The following DMD variants were observed in gnomAD, a reference collection of about 807,000 sequenced individuals.
DMD encodes dystrophin.
A neutral mutation model predicts 330.1 loss-of-function variants in DMD; 63 were observed. The observed-to-expected ratio is 0.19, with a 90% CI of 0.16 to 0.24. The LOEUF (loss-of-function observed/expected upper bound fraction) is 0.24. DMD is among the 10% of genes least tolerant of loss of function. The probability of loss-of-function intolerance (pLI) is 1.00; values close to 1 mark genes in which losing one functional copy is unlikely to be tolerated. For missense variants in DMD, 3,344 were observed against 2,684.1 expected (o/e 1.25, Z -5.43); for synonymous variants, 1,223 against 959.8 (o/e 1.27, Z -5.07).
At chrX:31,716,194 G>C (rs887623545) in intron 52 of DMD, among the ~76,000 whole-genome samples, 8 of 111,968 alleles carry the variant, frequency 7.1e-5, no homozygotes, top group Non-Finnish European at 1.1e-4. Flanking sequence ...TCCCATCTCC[G>C]TATCTCTAGC....
intron 51 of DMD, among the ~76,000 whole-genome samples, chrX:31,745,421 A>G (rs1420268588): frequency 8.9e-6 from 1 of 111,831 alleles, no homozygotes; most frequent in African/African-American, 3.3e-5. Context: ...GAATGCCACA[A>G]TAAAAGTGGC....
intron 30 of DMD, among the ~76,000 whole-genome samples, chrX:32,401,505 T>TA (rs1459601820): frequency 1.8e-5 from 2 of 111,038 alleles, no homozygotes; most frequent in African/African-American, 6.5e-5. Context: ...TTGTGGGAGC[T>TA]AAAAATTAAG....
At chrX:31,989,271 G>A (rs1371697940) in intron 44 of DMD, among the ~76,000 whole-genome samples, 1 of 111,731 alleles carries the variant, frequency 9.0e-6, no homozygotes, top group African/African-American at 3.3e-5. Context: ...GTACCCTGCG[G>A]CCCAGCCAAG....
chrX:31,921,487 G>C (rs866734141), intron 47 of DMD, among the ~76,000 whole-genome samples: 130 of 111,798 alleles, frequency 1.2e-3, no homozygotes, highest in African/African-American at 3.9e-3. Context: ...ATTCATAATA[G>C]TAGCACATAG....
At chrX:32,626,786 T>A (rs771204996) in intron 11 of DMD, among the ~76,000 whole-genome samples, 1 of 103,145 alleles carries the variant, frequency 9.7e-6, no homozygotes, top group African/African-American at 4.2e-5. Context: ...GTTGTGCACA[T>A]GCATCCTAGA....
intron 47 of DMD, among the ~76,000 whole-genome samples, chrX:31,914,796 G>A (rs2094588373): frequency 8.9e-6 from 1 of 111,941 alleles, no homozygotes; most frequent in Non-Finnish European, 1.9e-5. Context: ...AAATACTTAG[G>A]AAAAATGAAT....
intron 78 of DMD, among the ~76,000 whole-genome samples, chrX:31,124,384 G>A (rs982413910): frequency 2.3e-4 from 26 of 111,756 alleles, no homozygotes; most frequent in African/African-American, 5.8e-4. Context: ...ACTTTAATCC[G>A]TTGGAGGGGT....
At chrX:32,140,243 C>A (rs773885087) in intron 44 of DMD, among the ~76,000 whole-genome samples, 5 of 112,124 alleles carry the variant, frequency 4.5e-5, no homozygotes, top group Non-Finnish European at 7.5e-5. Context: ...TCAAATGGAA[C>A]TGAGTTGTTC....
chrX:33,132,811 A>G (rs1380588236), intron 1 of DMD, among the ~76,000 whole-genome samples: 1 of 112,123 alleles, frequency 8.9e-6, no homozygotes, highest in African/African-American at 3.2e-5. Context: ...TATTTATATC[A>G]CATTTCGTTG....
rs1359089046 is a variant in DMD at position 32,362,853 on chromosome X, C to T, written c.5260G>A (p.Glu1754Lys). The T allele has an allele frequency of 1.7e-6, 2 of 1,211,181 alleles. No homozygotes were observed. The highest frequency in any genetic ancestry group is 1.1e-6 in the Non-Finnish European group (1 of 895,375). The change falls in exon 37 of 79, where the codon GAG (glutamate) becomes AAG (lysine). Residue 1754 changes from glutamate (E) to lysine (K), a missense_variant. Transcript: ENST00000357033. ...TGGTTGAGCTCTGAGATTTGGGGCT[C>T]TACTAATTTCCTGCAGTGGTCACCG... Reference protein sequence around the residue: ...NRGDHCRKLVEPQISELNHRF... With the variant: ...NRGDHCRKLVKPQISELNHRF...
At chrX:31,699,909 T>C (rs761785398) in intron 52 of DMD, among the ~76,000 whole-genome samples, 6 of 111,488 alleles carry the variant, frequency 5.4e-5, no homozygotes, top group Non-Finnish European at 1.1e-4. Flanking sequence ...TTCTCTCGGC[T>C]GGGCACGGTG....
chrX:32,157,712 G>A (rs1358643570), intron 44 of DMD, among the ~76,000 whole-genome samples: 1 of 111,958 alleles, frequency 8.9e-6, no homozygotes, highest in East Asian at 2.8e-4. Flanking sequence ...GATACAATTT[G>A]TAAATAGAAA....
At chrX:31,627,649 CT>C (rs767843558) in intron 55 of DMD, 23 bp downstream of exon 55, 1 of 1,204,594 alleles carries the variant, frequency 8.3e-7, no homozygotes, top group Admixed American at 2.2e-5. Context: ...CACAAGAGTG[CT>C]AAAGCGGAAA....
At chrX:31,382,662 C>T (rs987970452) in intron 60 of DMD, among the ~76,000 whole-genome samples, 1 of 111,170 alleles carries the variant, frequency 9.0e-6, no homozygotes, top group African/African-American at 3.3e-5. Context: ...CATACAAAAC[C>T]GTATCCAGGC....
chrX:33,106,054 C>CACACACACACACACACA (rs10624675), intron 1 of DMD, among the ~76,000 whole-genome samples: 1 of 89,441 alleles, frequency 1.1e-5, no homozygotes, highest in Non-Finnish European at 2.1e-5. Flanking sequence ...GATACACACA[C>CACACACACACACACACA]CACACACACA....
intron 2 of DMD, among the ~76,000 whole-genome samples, chrX:32,955,748 C>A (rs2091540602): frequency 8.9e-6 from 1 of 111,947 alleles, no homozygotes; most frequent in Admixed American, 9.5e-5. Flanking sequence ...TTTCTATCTT[C>A]TGCATGTGGC....
chrX:32,683,996 AACACACACACACACACATACATACACAC>A (rs1440221560), intron 9 of DMD, among the ~76,000 whole-genome samples: 3,759 of 100,475 alleles, frequency 0.037, 175 homozygotes, highest in African/African-American at 0.13. Context: ...GCACATACAA[AACACACACACACACACATACATACACAC>A]ACACACACAC....
At position 32,154,970 on chromosome X, in the gene DMD, CCAAA is replaced by C. The variant is rs745536897; in HGVS notation, c.6438+61942_6438+61945del. ...ATATGAATTGCCCCCTCCAGAGGAG[CCAAA>C]CAAATTGGCTGTAGGAAGACTTCAA... On this transcript the variant is annotated intron_variant, in intron 44 of 78. Transcript: ENST00000357033. 8.7e-4 allele frequency among the ~76,000 whole-genome samples: 96 copies of C among 110,662 alleles called. 1 individual carries two copies. Among genetic ancestry groups the C allele is most frequent in the Middle Eastern group, 4.8e-3 (1 of 210 alleles).
At chrX:32,575,858 T>C (rs1420136244) in intron 13 of DMD, among the ~76,000 whole-genome samples, 1 of 111,962 alleles carries the variant, frequency 8.9e-6, no homozygotes, top group Admixed American at 9.5e-5. Context: ...ACTCAAGCTA[T>C]AGCATCATAT....
Sources: gnomAD v4.1 joint callset for allele counts (sites outside exome capture counted in the v4.1 genomes callset) on GRCh38, gnomAD v4.1.1 for gene constraint, MANE v1.5 for transcripts, NCBI Gene and HGNC (gene_info 2026-07-23, HGNC 2026-07-21) for gene names.